The following AFAP1L1 variants were observed in gnomAD, a reference collection of about 807,000 sequenced individuals.
AFAP1L1 encodes the protein actin filament-associated protein 1-like 1.
AFAP1L1 carries 77 observed loss-of-function variants against 99.8 expected under a neutral mutation model. That is an observed-to-expected ratio of 0.77 (90% CI 0.64 to 0.93). AFAP1L1 has a LOEUF of 0.93. AFAP1L1 is among the 40% of genes least tolerant of loss of function. The probability of loss-of-function intolerance (pLI) is 0.00; values close to 1 mark genes in which losing one functional copy is unlikely to be tolerated. For synonymous variants in AFAP1L1, 373 were observed against 395.3 expected, an observed-to-expected ratio of 0.94 and a Z score of 0.67; for missense variants, 893 against 996.8, an observed-to-expected ratio of 0.90 and a Z score of 1.40.
At chr5:149,306,194 GC>G (rs1756404410) in intron 5 of AFAP1L1, 111 bp from the exon 6 acceptor site, 6 of 822,742 alleles carry the variant, frequency 7.3e-6, no homozygotes, top group Non-Finnish European at 9.5e-6. Flanking sequence ...TGCTCAGAGT[GC>G]CTGCTGTCTC....
intron 8 of AFAP1L1, among the ~76,000 whole-genome samples, chr5:149,311,646 G>A (rs1446482187): frequency 6.6e-6 from 1 of 152,214 alleles, no homozygotes; most frequent in Non-Finnish European, 1.5e-5. Context: ...GGAGATGGAG[G>A]TGATAACTCC....
intron 3 of AFAP1L1, among the ~76,000 whole-genome samples, 191 bp from the exon 4 acceptor site, chr5:149,300,942 C>T (rs1428207703): frequency 1.3e-5 from 2 of 152,190 alleles, no homozygotes; most frequent in African/African-American, 4.8e-5. Flanking sequence ...GGAAAACAGA[C>T]AAGGCAGGCA....
chr5:149,335,603 A>G lies in AFAP1L1; in HGVS notation c.2164A>G (p.Asn722Asp). 6.2e-7 allele frequency: 1 copy of G among 1,612,302 alleles called. No individual in the cohort carries two copies. The highest frequency in any genetic ancestry group is 1.1e-5 in the South Asian group (1 of 90,984). ...TTATTGCCATCAACAGGAAACTGCA[A>G]ATAAACCCCAGAACAGCGTTCCAGA... is the stretch of plus-strand genomic sequence containing the variant. Reference protein sequence around the residue: ...SSKPKSGETANKPQNSVPEQP... With the variant: ...SSKPKSGETADKPQNSVPEQP... Residue 722 changes from asparagine to aspartate, a missense_variant, in exon 18 of 19, where the codon AAT becomes GAT. By Grantham distance (23) the Asn-to-Asp change is conservative. Coordinates refer to ENST00000296721, the MANE Select transcript of AFAP1L1 (RefSeq NM_152406.4).
chr5:149,300,413 G>A, intron 3 of AFAP1L1, 59 bp downstream of exon 3: 2 of 1,489,608 alleles, frequency 1.3e-6, no homozygotes, highest in Non-Finnish European at 1.9e-6. Flanking sequence ...TGTGTATGCA[G>A]AAGGGTCCCC....
At chr5:149,274,273 A>C (rs903258491) in intron 1 of AFAP1L1, among the ~76,000 whole-genome samples, 13 of 152,270 alleles carry the variant, frequency 8.5e-5, no homozygotes, top group Admixed American at 7.2e-4. Context: ...TGGTTTAATT[A>C]GTAAAATACA....
At chr5:149,279,579 A>C (rs531550474) in intron 1 of AFAP1L1, among the ~76,000 whole-genome samples, 2 of 152,342 alleles carry the variant, frequency 1.3e-5, no homozygotes, top group South Asian at 4.1e-4. Context: ...GCCTGATGCA[A>C]TTAAGGACAG....
chr5:149,322,323 A>G (rs964028969), intron 14 of AFAP1L1, among the ~76,000 whole-genome samples: 2 of 152,178 alleles, frequency 1.3e-5, no homozygotes, highest in Non-Finnish European at 2.9e-5. Flanking sequence ...ATGATAAATC[A>G]AATATAGCCA....
rs1561690395 is a variant in AFAP1L1, at chr5:149,340,457, A to G, written c.*427A>G. 1 of 169,580 alleles carries G rather than the reference A, an allele frequency of 5.9e-6. No individual in the cohort carries two copies. Among genetic ancestry groups the G allele is most frequent in the Admixed American group, 5.8e-5 (1 of 17,212 alleles). 10.5% of individuals were successfully genotyped at this position (169,580 alleles called of 1,614,324 possible). On this transcript the variant is annotated 3_prime_UTR_variant, in exon 19 of 19. Coordinates refer to ENST00000296721, the MANE Select transcript of AFAP1L1 (RefSeq NM_152406.4). ...CATTGGTGGTGCAGTGTAAAGAGAC[A>G]AGACCTGATCATCTGATCACACTTG...
chr5:149,331,347 G>A (rs1196860943), intron 16 of AFAP1L1, among the ~76,000 whole-genome samples: 3 of 152,176 alleles, frequency 2.0e-5, no homozygotes, highest in African/African-American at 7.2e-5. Context: ...GAGGCTGGGT[G>A]CGGTGGCTCA....
rs763704919 is a variant in AFAP1L1, at chr5:149,317,844, C to T, written c.1383C>T (p.Ile461=). ...HMDLRTHVNA[I]ALQGCEVAPG... Reference sequence around the variant, plus strand: ...ACCTGCGAACCCATGTGAACGCCATCGCCCTGCAAGGCTGTGAGGTGGCCC... The same window carrying T: ...ACCTGCGAACCCATGTGAACGCCATTGCCCTGCAAGGCTGTGAGGTGGCCC... The change falls in exon 12 of 19, where the codon ATC becomes ATT. Residue 461 remains isoleucine, a synonymous_variant. Coordinates refer to ENST00000296721, the MANE Select transcript of AFAP1L1 (RefSeq NM_152406.4). 1.3e-5 allele frequency: 21 copies of T among 1,610,306 alleles called. No individual in the cohort carries two copies. In the East Asian group the frequency reaches 2.5e-4, roughly 19 times the overall value.
In AFAP1L1 at chr5:149,329,820, G is replaced by A. The variant is rs558269752; in HGVS notation, c.1965G>A (p.Arg655=). ...QEKRELKEAI[R]SSPGAKLKAL... Reference sequence around the variant, plus strand: ...AGAGGGAACTGAAGGAAGCCATTCGGAGCAGCCCAGGTACCTATGTGGGTG... The same window carrying A: ...AGAGGGAACTGAAGGAAGCCATTCGAAGCAGCCCAGGTACCTATGTGGGTG... Residue 655 remains arginine (R), a synonymous_variant, in exon 16 of 19, where the codon CGG becomes CGA. Coordinates refer to ENST00000296721, the MANE Select transcript of AFAP1L1 (RefSeq NM_152406.4). 8.7e-6 allele frequency: 14 copies of A among 1,610,038 alleles called. No individual in the cohort carries two copies. The highest frequency in any genetic ancestry group is 6.7e-5 in the Admixed American group (4 of 59,332).
intron 1 of AFAP1L1, among the ~76,000 whole-genome samples, chr5:149,274,245 A>G (rs1581278500): frequency 6.6e-6 from 1 of 152,252 alleles, no homozygotes; most frequent in African/African-American, 2.4e-5. Flanking sequence ...CATAGTGCAC[A>G]GTGAGGAGCT....
In AFAP1L1 at chr5:149,340,151, C is replaced by A; in HGVS notation, c.*121C>A. On this transcript the variant is annotated 3_prime_UTR_variant, in exon 19 of 19. Transcript: ENST00000296721. Reference sequence around the variant, plus strand: ...AAGTAGCCCTCGTTCTCCAGGGCACCCAAAATACCAGCCTTTATTGTCTGC... The same window carrying A: ...AAGTAGCCCTCGTTCTCCAGGGCACACAAAATACCAGCCTTTATTGTCTGC... The A allele has an allele frequency of 9.0e-7, 1 of 1,105,312 alleles. No homozygotes were observed. Among genetic ancestry groups the A allele is most frequent in the Non-Finnish European group, 1.3e-6 (1 of 751,276 alleles). The allele number at this position is 1,105,312 out of a possible 1,614,324, so 68.5% of individuals were successfully genotyped here. A position where few individuals can be genotyped will look rare whatever the true frequency, so the allele number is the denominator to read the frequency against.
chr5:149,333,000 T>C, intron 17 of AFAP1L1, 127 bp downstream of exon 17: 1 of 1,282,708 alleles, frequency 7.8e-7, no homozygotes. Flanking sequence ...AAAACTGAAG[T>C]CCAAAGAGGT....
chr5:149,340,285 C>A lies in AFAP1L1; in HGVS notation c.*255C>A, dbSNP rs1237850599. 1 of 456,776 alleles carries A rather than the reference C, an allele frequency of 2.2e-6. No homozygotes were observed. The highest frequency in any genetic ancestry group is 4.0e-6 in the Non-Finnish European group (1 of 249,462). The allele number at this position is 456,776 out of a possible 1,614,324, so 28.3% of individuals were successfully genotyped here. ...AATGAGGATGGAGGGATACAGAAGT[C>A]TGCACAGCTGTAAAGGTTTTATAGA... On this transcript the variant is annotated 3_prime_UTR_variant, in exon 19 of 19. Transcript: ENST00000296721.
In AFAP1L1 at chr5:149,289,883, A is replaced by G. The variant is rs150656866; in HGVS notation, c.17-9626A>G. 4.4e-3 allele frequency among the ~76,000 whole-genome samples: 670 copies of G among 152,356 alleles called. 6 individuals carry two copies. The highest frequency in any genetic ancestry group is 0.015 in the African/African-American group (633 of 41,588). ...AACAACTAGATCCTCCAGTATTCTCATTCTAGCATCCTCAGTTTCCACATG... is the reference window on the plus strand; with the variant it reads ...AACAACTAGATCCTCCAGTATTCTCGTTCTAGCATCCTCAGTTTCCACATG... On this transcript the variant is annotated intron_variant, in intron 1 of 18. Coordinates refer to ENST00000296721, the MANE Select transcript of AFAP1L1 (RefSeq NM_152406.4).
At chr5:149,321,722 C>CAA (rs57366142) in intron 14 of AFAP1L1, among the ~76,000 whole-genome samples, 754 of 63,276 alleles carry the variant, frequency 0.012, 6 homozygotes, top group East Asian at 0.016. Context: ...GACTCTGTCT[C>CAA]AAAAAAAAAA....
rs1303526274 is a variant in AFAP1L1 at position 149,343,028 on chromosome 5, G to A, written c.*2998G>A. 2.6e-5 allele frequency among the ~76,000 whole-genome samples: 4 copies of A among 152,056 alleles called. No individual in the cohort carries two copies. Among genetic ancestry groups the A allele is most frequent in the African/African-American group, 9.7e-5 (4 of 41,402 alleles). ...TCTACTGTCACTGTTTCCTTATTGC[G>A]GGATCTTGCATAGGTTTACCAACCT... On this transcript the variant is annotated 3_prime_UTR_variant, in exon 19 of 19. Transcript: ENST00000296721.
In AFAP1L1 at chr5:149,317,021, C is replaced by T. The variant is rs1027729422; in HGVS notation, c.1268-708C>T. Among the ~76,000 whole-genome samples, 4 of 152,112 alleles carry T rather than the reference C, an allele frequency of 2.6e-5. No individual in the cohort carries two copies. The Middle Eastern group carries it at 0.01, about 388-fold the overall frequency. ...CTCTACCAAAAATACAAAAATTAGC[C>T]AGGCATGGTGGTGTATGCCTGTAAT... On this transcript the variant is annotated intron_variant, in intron 11 of 18. Coordinates refer to ENST00000296721, the MANE Select transcript of AFAP1L1 (RefSeq NM_152406.4).
Sources: gnomAD v4.1 joint callset for allele counts (sites outside exome capture counted in the v4.1 genomes callset) on GRCh38, gnomAD v4.1.1 for gene constraint, MANE v1.5 for transcripts, NCBI Gene and HGNC (gene_info 2026-07-23, HGNC 2026-07-21) for gene names.